The following SUPT3H variants were observed in gnomAD, a reference collection of about 807,000 sequenced individuals.
The protein encoded by SUPT3H is transcription initiation protein SPT3 homolog.
SUPT3H carries 44 observed loss-of-function variants against 44.3 expected under a neutral mutation model. The observed-to-expected ratio is 0.99, with a 90% CI of 0.78 to 1.28. The LOEUF is 1.28. Ranked by LOEUF, SUPT3H falls within the 50% of genes most tolerant of loss-of-function variation. The pLI is 0.00. For missense variants in SUPT3H, 380 were observed against 387.1 expected (o/e 0.98, Z 0.15); for synonymous variants, 124 against 125.6 (o/e 0.99, Z 0.09).
intron 10 of SUPT3H, among the ~76,000 whole-genome samples, chr6:44,849,935 A>T (rs1021356525): frequency 2.0e-5 from 3 of 152,214 alleles, no homozygotes; most frequent in Non-Finnish European, 1.5e-5. Context: ...GTTACTATGT[A>T]TTTGTAATAA....
intron 6 of SUPT3H, among the ~76,000 whole-genome samples, chr6:44,977,545 C>G (rs1178703103): frequency 1.3e-5 from 2 of 152,114 alleles, no homozygotes; most frequent in Non-Finnish European, 2.9e-5. Context: ...TTCACCCCAC[C>G]TTGCCACCCT....
intron 6 of SUPT3H, among the ~76,000 whole-genome samples, chr6:44,981,460 C>A (rs1391253464): frequency 6.6e-6 from 1 of 152,198 alleles, no homozygotes; most frequent in Non-Finnish European, 1.5e-5. Context: ...AATCCCAATA[C>A]ATTCTGTATA....
intron 2 of SUPT3H, among the ~76,000 whole-genome samples, chr6:45,230,286 T>G (rs1398349303): frequency 6.6e-6 from 1 of 152,152 alleles, no homozygotes; most frequent in East Asian, 1.9e-4. Context: ...TCTTTATAGA[T>G]TCTCTGTCTA....
chr6:45,047,164 TTTTTTC>T (rs1256344009), intron 3 of SUPT3H, among the ~76,000 whole-genome samples: 2 of 152,236 alleles, frequency 1.3e-5, no homozygotes, highest in Admixed American at 6.5e-5. Flanking sequence ...TCAGTTTTAC[TTTTTTC>T]TTTTTATTTG....
chr6:45,007,874 C>A (rs1782940152), intron 5 of SUPT3H, among the ~76,000 whole-genome samples: 1 of 151,116 alleles, frequency 6.6e-6, no homozygotes, highest in Non-Finnish European at 1.5e-5. Flanking sequence ...GCAACCACTA[C>A]TCTACACTCC....
intron 2 of SUPT3H, among the ~76,000 whole-genome samples, chr6:45,241,020 A>G (rs1770203477): frequency 6.6e-6 from 1 of 152,200 alleles, no homozygotes; most frequent in Non-Finnish European, 1.5e-5. Context: ...GTAACCCATT[A>G]AAAAGGATAA....
intron 2 of SUPT3H, among the ~76,000 whole-genome samples, chr6:45,176,798 C>A (rs1283065804): frequency 1.3e-5 from 2 of 152,158 alleles, no homozygotes; most frequent in East Asian, 3.8e-4. Flanking sequence ...CTAGGAGGCA[C>A]CCCCAGCAGG....
chr6:45,218,113 A>C (rs1765391864), intron 2 of SUPT3H, among the ~76,000 whole-genome samples: 1 of 152,176 alleles, frequency 6.6e-6, no homozygotes, highest in Non-Finnish European at 1.5e-5. Flanking sequence ...AGTTGGGCAG[A>C]GTACATAAAA....
At chr6:45,009,438 A>G (rs1048515453) in intron 5 of SUPT3H, among the ~76,000 whole-genome samples, 5 of 152,128 alleles carry the variant, frequency 3.3e-5, no homozygotes, top group African/African-American at 9.7e-5. Context: ...AGAATTTTAT[A>G]GTTTGAGCCC....
chr6:45,337,802 T>G (rs1444074189), intron 2 of SUPT3H, among the ~76,000 whole-genome samples: 1 of 151,998 alleles, frequency 6.6e-6, no homozygotes, highest in Non-Finnish European at 1.5e-5. Flanking sequence ...AAACAAATAT[T>G]AAATACATAT....
At chr6:45,294,223 A>T (rs1562895141) in intron 2 of SUPT3H, among the ~76,000 whole-genome samples, 1 of 152,206 alleles carries the variant, frequency 6.6e-6, no homozygotes, top group East Asian at 1.9e-4. Flanking sequence ...AAACAGAATT[A>T]AAAATCACAT....
chr6:45,176,041 G>A (rs1811744571), intron 2 of SUPT3H, among the ~76,000 whole-genome samples: 1 of 151,950 alleles, frequency 6.6e-6, no homozygotes, highest in African/African-American at 2.4e-5. Flanking sequence ...GTCCATGATT[G>A]GTATTTAAAA....
At chr6:45,365,444 ATACT>A (rs1794971349) in intron 1 of SUPT3H, 143 bp from the exon 2 acceptor site, 3 of 586,114 alleles carry the variant, frequency 5.1e-6, no homozygotes, top group Non-Finnish European at 8.8e-6. Flanking sequence ...TGATTCACTT[ATACT>A]TAATGTTCTT....
rs374345494 is a variant in SUPT3H at position 44,889,834 on chromosome 6, A to C, written c.912+42819T>G. On this transcript the variant is annotated intron_variant, in intron 10 of 10. Transcript: ENST00000371459. ...ATCAGAGTGAACAGGCAACCTACAA[A>C]ATGGGAGAAAATTTTCGCAACCTAC... 3.7e-3 allele frequency among the ~76,000 whole-genome samples: 561 copies of C among 152,180 alleles called. 2 individuals are homozygous for C. The highest frequency in any genetic ancestry group is 0.015 in the East Asian group (80 of 5,184).
At chr6:45,032,618 C>T (rs900671014) in intron 3 of SUPT3H, among the ~76,000 whole-genome samples, 5 of 152,138 alleles carry the variant, frequency 3.3e-5, no homozygotes, top group Non-Finnish European at 7.4e-5. Context: ...GGTACAATTA[C>T]GCAACACTCA....
At chr6:45,236,874 T>C (rs1173435356) in intron 2 of SUPT3H, among the ~76,000 whole-genome samples, 1 of 152,188 alleles carries the variant, frequency 6.6e-6, no homozygotes, top group African/African-American at 2.4e-5. Context: ...TAAAGAATGT[T>C]GCTGTCTCCA....
chr6:45,336,457 A>AG (rs766384273), intron 2 of SUPT3H, among the ~76,000 whole-genome samples: 29 of 151,484 alleles, frequency 1.9e-4, no homozygotes, highest in Non-Finnish European at 3.0e-4. Flanking sequence ...TATTAGGCTT[A>AG]TTTTTATTTT....
At chr6:45,055,095 T>C (rs550794979) in intron 3 of SUPT3H, among the ~76,000 whole-genome samples, 1 of 152,256 alleles carries the variant, frequency 6.6e-6, no homozygotes, top group South Asian at 2.1e-4. Context: ...AGACAGATTT[T>C]ATGGAATTAG....
chr6:45,302,396 G>C (rs1417117910), intron 2 of SUPT3H, among the ~76,000 whole-genome samples: 2 of 150,578 alleles, frequency 1.3e-5, no homozygotes, highest in African/African-American at 2.4e-5. Flanking sequence ...TAGAATAATA[G>C]TCTCCAGTTC....
Sources: allele counts gnomAD v4.1 joint callset (sites outside exome capture counted in the v4.1 genomes callset), GRCh38; gene constraint gnomAD v4.1.1; transcripts MANE v1.5; gene names NCBI Gene and HGNC (gene_info 2026-07-23, HGNC 2026-07-21).